The following SOX6 variants were observed in gnomAD, a reference collection of about 807,000 sequenced individuals.
SOX6 encodes the protein SRY-box transcription factor 6, also known as transcription factor SOX-6.
Under a neutral mutation model 97.8 loss-of-function variants are expected in SOX6, and 11 were observed. The observed-to-expected ratio is 0.11, with a 90% CI of 0.07 to 0.19. The LOEUF is 0.19. SOX6 is among the 10% of genes least tolerant of loss of function. The pLI is 1.00. For missense variants in SOX6, 810 were observed against 1,039.5 expected (o/e 0.78, Z 3.04); for synonymous variants, 360 against 371.4 (o/e 0.97, Z 0.35).
chr11:16,003,280 C>T (rs1427245417), intron 13 of SOX6, among the ~76,000 whole-genome samples: 1 of 151,910 alleles, frequency 6.6e-6, no homozygotes, highest in Non-Finnish European at 1.5e-5. Context: ...TGTGTGTGTA[C>T]ATACTAGGGA....
At chr11:16,157,322 T>C (rs924980410) in intron 6 of SOX6, among the ~76,000 whole-genome samples, 1 of 151,956 alleles carries the variant, frequency 6.6e-6, no homozygotes, top group Non-Finnish European at 1.5e-5. Context: ...AATATCCAAA[T>C]CCTATCCAGT....
At chr11:16,331,229 C>T (rs1856285457) in intron 2 of SOX6, among the ~76,000 whole-genome samples, 1 of 152,124 alleles carries the variant, frequency 6.6e-6, no homozygotes, top group South Asian at 2.1e-4. Flanking sequence ...GTGTGTTTTA[C>T]ATGAAAAGAA....
intron 4 of SOX6, among the ~76,000 whole-genome samples, chr11:16,590,437 GA>G (rs138796441): frequency 0.011 from 1,650 of 152,224 alleles, 22 homozygotes; most frequent in African/African-American, 0.038. Context: ...AAAGGGATAA[GA>G]TTACAGAGAT....
chr11:16,134,476 A>G (rs574750862), intron 6 of SOX6, among the ~76,000 whole-genome samples: 4 of 152,308 alleles, frequency 2.6e-5, no homozygotes, highest in African/African-American at 9.6e-5. Context: ...GCTTTATTGC[A>G]CTTCACAGGT....
intron 4 of SOX6, among the ~76,000 whole-genome samples, chr11:16,571,286 G>C (rs1847935475): frequency 6.6e-6 from 1 of 152,104 alleles, no homozygotes; most frequent in South Asian, 2.1e-4. Context: ...AGCTCCGTAG[G>C]CATTTTATTT....
At chr11:16,141,291 AT>A (rs887137137) in intron 6 of SOX6, among the ~76,000 whole-genome samples, 1 of 152,170 alleles carries the variant, frequency 6.6e-6, no homozygotes, top group Non-Finnish European at 1.5e-5. Context: ...GATTACAGGT[AT>A]TCAGGTATCT....
intron 6 of SOX6, among the ~76,000 whole-genome samples, chr11:16,148,788 T>C (rs1301804608): frequency 6.6e-6 from 1 of 152,060 alleles, no homozygotes; most frequent in Non-Finnish European, 1.5e-5. Context: ...CAAAATAGTT[T>C]ATCTAACATC....
intron 4 of SOX6, among the ~76,000 whole-genome samples, chr11:16,519,747 T>C (rs1687583178): frequency 1.3e-5 from 2 of 152,128 alleles, no homozygotes; most frequent in Non-Finnish European, 2.9e-5. Flanking sequence ...CAGATAACGG[T>C]AGTTTTATTT....
chr11:16,485,541 T>C (rs4757406), intron 4 of SOX6, among the ~76,000 whole-genome samples: 146,997 of 152,048 alleles, frequency 0.97, 71,272 homozygotes, highest in East Asian at 1. Flanking sequence ...ACCAGCCTGG[T>C]CAACATGGTG....
At chr11:16,575,351 A>G (rs1847972582) in intron 4 of SOX6, among the ~76,000 whole-genome samples, 1 of 152,210 alleles carries the variant, frequency 6.6e-6, no homozygotes, top group Non-Finnish European at 1.5e-5. Flanking sequence ...AGAAAAGATG[A>G]AGATAGGCAT....
intron 6 of SOX6, among the ~76,000 whole-genome samples, chr11:16,160,786 T>C (rs1405698630): frequency 2.0e-5 from 3 of 152,202 alleles, no homozygotes; most frequent in Non-Finnish European, 2.9e-5. Flanking sequence ...AGGGGGCTAA[T>C]TATTTCTGAC....
rs1321127213 is a variant in SOX6, at chr11:16,132,401, A to AAAAG, written c.778-20482_778-20479dup. Among the ~76,000 whole-genome samples the AAAAG allele has an allele frequency of 7.3e-3, 319 of 43,820 alleles. 29 individuals are homozygous for AAAAG. The highest frequency in any genetic ancestry group is 0.011 in the South Asian group (13 of 1,224). 28.7% of individuals were successfully genotyped at this position (43,820 alleles called of 152,430 possible). A position where few individuals can be genotyped will look rare whatever the true frequency, so the allele number is the denominator to read the frequency against. On this transcript the variant is annotated intron_variant, in intron 6 of 15. Coordinates refer to ENST00000683767, the MANE Select transcript of SOX6 (RefSeq NM_001367873.1). ...AAGAAAGAAAGAAAGAAAGAAAGAA[A>AAAAG]AAAGAAAGAAAGAAAGAAAGAAAGA...
At chr11:16,519,770 G>A (rs1590231239) in intron 4 of SOX6, among the ~76,000 whole-genome samples, 1 of 152,130 alleles carries the variant, frequency 6.6e-6, no homozygotes, top group South Asian at 2.1e-4. Context: ...AGTTATTTGA[G>A]AAATTTCCAT....
intron 4 of SOX6, among the ~76,000 whole-genome samples, chr11:16,545,468 T>TA (rs1395434955): frequency 6.6e-6 from 1 of 151,934 alleles, no homozygotes; most frequent in Non-Finnish European, 1.5e-5. Flanking sequence ...CTTAATGTAA[T>TA]AAAGTCCATA....
At chr11:16,418,999 A>G (rs934322924) in intron 1 of SOX6, among the ~76,000 whole-genome samples, 1 of 152,280 alleles carries the variant, frequency 6.6e-6, no homozygotes, top group South Asian at 2.1e-4. Flanking sequence ...CGCCTCACAA[A>G]AAGAGTATTT....
At chr11:16,666,237 C>T (rs1431099323) in intron 3 of SOX6, among the ~76,000 whole-genome samples, 1 of 152,090 alleles carries the variant, frequency 6.6e-6, no homozygotes, top group East Asian at 1.9e-4. Context: ...GCACCAATGA[C>T]AAATCCTGGA....
intron 6 of SOX6, 51 bp from the exon 7 acceptor site, chr11:16,111,974 A>G (rs748613200): frequency 3.0e-5 from 49 of 1,609,838 alleles, no homozygotes; most frequent in Non-Finnish European, 4.1e-5. Context: ...ATGTATGCCA[A>G]GAAGAATTTG....
chr11:16,594,068 T>C (rs1490361583), intron 4 of SOX6, among the ~76,000 whole-genome samples: 1 of 152,212 alleles, frequency 6.6e-6, no homozygotes, highest in East Asian at 1.9e-4. Flanking sequence ...ATGAATGCTT[T>C]GGAAAACGGC....
chr11:16,247,872 T>C (rs960483996), intron 3 of SOX6, among the ~76,000 whole-genome samples: 3 of 152,104 alleles, frequency 2.0e-5, no homozygotes, highest in Non-Finnish European at 4.4e-5. Flanking sequence ...CATTTCACCA[T>C]TAACTCAAAA....
Sources: gnomAD v4.1 joint callset for allele counts (sites outside exome capture counted in the v4.1 genomes callset) on GRCh38, gnomAD v4.1.1 for gene constraint, MANE v1.5 for transcripts, NCBI Gene and HGNC (gene_info 2026-07-23, HGNC 2026-07-21) for gene names.